DYNC1LI1: variants seen among roughly 807,000 people sequenced by gnomAD.
The protein encoded by DYNC1LI1 is dynein cytoplasmic 1 light intermediate chain 1.
Under a neutral mutation model 63.8 loss-of-function variants are expected in DYNC1LI1, and 19 were observed. The observed-to-expected ratio is 0.30, with a 90% CI of 0.21 to 0.44. DYNC1LI1 has a LOEUF of 0.44. Among genes scored for constraint, DYNC1LI1 ranks in the 20% least tolerant of loss-of-function variants. DYNC1LI1 has a pLI of 1.00. For synonymous variants in DYNC1LI1, 225 were observed against 232.3 expected (o/e 0.97, Z 0.28); for missense variants, 565 against 630.2 (o/e 0.90, Z 1.11).
Position 32,526,873 on chromosome 3 carries a change from C to T in DYNC1LI1, c.1498G>A (p.Asp500Asn). 6.2e-7 allele frequency: 1 copy of T among 1,614,000 alleles called. No individual in the cohort carries two copies. Among genetic ancestry groups the T allele is most frequent in the Non-Finnish European group, 8.5e-7 (1 of 1,179,938 alleles). ...KPVLDVHAELDRITRKPVTVS... is the reference protein window; with the variant it reads ...KPVLDVHAELNRITRKPVTVS... ...GTAACTGGTTTTCGTGTAATTCTGT[C>T]TAGTTCTGCATGAACATCTAAGACA... The change falls in exon 13 of 13, where the codon GAC (aspartate) becomes AAC (asparagine). Residue 500 changes from aspartate (D) to asparagine (N), a missense_variant. Transcript: ENST00000273130.
At chr3:32,527,439 C>T (rs1258754980) in intron 12 of DYNC1LI1, among the ~76,000 whole-genome samples, 3 of 150,578 alleles carry the variant, frequency 2.0e-5, no homozygotes, top group East Asian at 1.9e-4. Context: ...ACAATAAGAA[C>T]GGTAAAACAG....
At chr3:32,529,247 C>T (rs1575147038) in intron 11 of DYNC1LI1, among the ~76,000 whole-genome samples, 1 of 152,020 alleles carries the variant, frequency 6.6e-6, no homozygotes, top group African/African-American at 2.4e-5. Flanking sequence ...ATAGTTTTTT[C>T]CTTTATGTTA....
chr3:32,549,626 T>G (rs1698005286), intron 2 of DYNC1LI1, among the ~76,000 whole-genome samples: 1 of 152,122 alleles, frequency 6.6e-6, no homozygotes, highest in East Asian at 1.9e-4. Context: ...CATACACAGA[T>G]CCATAAAAAT....
intron 2 of DYNC1LI1, 126 bp downstream of exon 2, chr3:32,570,220 G>A: frequency 1.2e-6 from 1 of 815,344 alleles, no homozygotes; most frequent in Non-Finnish European, 2.1e-6. Context: ...GCGACAGGTC[G>A]GGAGGCGAGG....
At position 32,537,124 on chromosome 3, in the gene DYNC1LI1, A is replaced by T. The variant is rs1697784813; in HGVS notation, c.739-20T>A. The stretch of plus-strand genomic sequence containing the variant: ...ATCACACTGTTAAGTTAAAATAATT[A>T]AAAATAATACATTTAAAATAATCAT... On this transcript the variant is annotated intron_variant, in intron 5 of 12. Transcript: ENST00000273130. The T allele has an allele frequency of 7.6e-7, 1 of 1,310,314 alleles. No homozygotes were observed. Among genetic ancestry groups the T allele is most frequent in the Non-Finnish European group, 1.1e-6 (1 of 941,956 alleles). The allele number at this position is 1,310,314 out of a possible 1,614,324, so 81.2% of individuals were successfully genotyped here.
intron 2 of DYNC1LI1, among the ~76,000 whole-genome samples, chr3:32,559,294 G>A (rs1559443760): frequency 6.6e-6 from 1 of 152,110 alleles, no homozygotes; most frequent in East Asian, 1.9e-4. Context: ...AGGCTGGAGT[G>A]CAGTGGCAAG....
chr3:32,559,011 A>T (rs530854245), intron 2 of DYNC1LI1, among the ~76,000 whole-genome samples: 1 of 151,786 alleles, frequency 6.6e-6, no homozygotes, highest in African/African-American at 2.4e-5. Context: ...GACCATCTCT[A>T]TAGTGATGGA....
At chr3:32,561,030 AAAACAAAC>A (rs1559444468) in intron 2 of DYNC1LI1, among the ~76,000 whole-genome samples, 1 of 132,762 alleles carries the variant, frequency 7.5e-6, no homozygotes, top group East Asian at 2.0e-4. Flanking sequence ...AAAAAAAAAA[AAAACAAAC>A]AAAAAAAACA....
chr3:32,526,710 C>A lies in DYNC1LI1; in HGVS notation c.*89G>T, dbSNP rs1179771577. The A allele has an allele frequency of 4.1e-6, 4 of 976,680 alleles. No individual in the cohort carries two copies. The highest frequency in any genetic ancestry group is 3.2e-5 in the African/African-American group (2 of 61,666). The allele number at this position is 976,680 out of a possible 1,614,324, so 60.5% of individuals were successfully genotyped here. ...AATTTAGTCCATCTGAAGAAGCACT[C>A]CAGCTTTCTAATTCCACTTTTGAAG... is the stretch of plus-strand genomic sequence containing the variant. On this transcript the variant is annotated 3_prime_UTR_variant, in exon 13 of 13. Transcript: ENST00000273130.
At position 32,541,076 on chromosome 3, in the gene DYNC1LI1, T is replaced by C. The variant is rs768064764; in HGVS notation, c.699A>G (p.Thr233=). The C allele has an allele frequency of 6.2e-7, 1 of 1,613,624 alleles. No homozygotes were observed. The highest frequency in any genetic ancestry group is 1.1e-5 in the South Asian group (1 of 90,998). ...CTAGTACTGGAATGCCCAAGTTATG[T>C]GTAAGTGTATCCGCACCCAGAGGTA... The part of the protein sequence containing the change: ...VVLPLGADTL[T]HNLGIPVLVV... The change falls in exon 5 of 13, where the codon ACA becomes ACG. Residue 233 remains threonine, a synonymous_variant. Coordinates refer to ENST00000273130, the MANE Select transcript of DYNC1LI1 (RefSeq NM_016141.4).
intron 3 of DYNC1LI1, 34 bp from the exon 4 acceptor site, chr3:32,545,140 A>C: frequency 1.4e-6 from 2 of 1,416,310 alleles, no homozygotes; most frequent in Non-Finnish European, 1.0e-6. Flanking sequence ...CCAAGGCAAC[A>C]AGATTAAGTC....
At chr3:32,553,165 A>G (rs1698067207) in intron 2 of DYNC1LI1, among the ~76,000 whole-genome samples, 1 of 152,074 alleles carries the variant, frequency 6.6e-6, no homozygotes, top group African/African-American at 2.4e-5. Flanking sequence ...GAGATCCTCT[A>G]TCTACAAAAA....
chr3:32,532,507 A>ATATATATATAT (rs1553617333), intron 8 of DYNC1LI1: 1 of 147,530 alleles, frequency 6.8e-6, no homozygotes, highest in Admixed American at 6.8e-5. Flanking sequence ...ATATATATAT[A>ATATATATATAT]AAATTGAAAG....
chr3:32,538,034 A>G (rs866002473), intron 5 of DYNC1LI1, among the ~76,000 whole-genome samples: 1 of 10,092 alleles, frequency 9.9e-5, no homozygotes, highest in East Asian at 0.038. Flanking sequence ...TTATATATAT[A>G]ATATATATAT....
intron 5 of DYNC1LI1, among the ~76,000 whole-genome samples, chr3:32,538,049 T>TTATATATATAA (rs1559436609): frequency 2.3e-4 from 1 of 4,322 alleles, no homozygotes; most frequent in East Asian, 0.013. Flanking sequence ...ATATATATAA[T>TTATATATATAA]TATATATATA....
chr3:32,536,605 G>A (rs778547955), intron 6 of DYNC1LI1, among the ~76,000 whole-genome samples: 15 of 152,164 alleles, frequency 9.9e-5, no homozygotes, highest in South Asian at 2.1e-4. Flanking sequence ...ACCACTGTTA[G>A]GCTATATGTG....
intron 6 of DYNC1LI1, among the ~76,000 whole-genome samples, chr3:32,536,403 T>G (rs1697774123): frequency 6.6e-6 from 1 of 152,182 alleles, no homozygotes. Context: ...AAGTACTCAC[T>G]TTTAACCTTC....
At chr3:32,545,437 A>C in intron 3 of DYNC1LI1, 1 of 370,762 alleles carries the variant, frequency 2.7e-6, no homozygotes, top group Non-Finnish European at 4.9e-6. Context: ...AGATATGCAT[A>C]CTCAAGATAT....
chr3:32,570,600 G>A, intron 1 of DYNC1LI1, 25 bp downstream of exon 1: 2 of 1,552,104 alleles, frequency 1.3e-6, no homozygotes, highest in Middle Eastern at 1.7e-4. Context: ...GCCAGCGGGG[G>A]CTGAGGGAGA....
Sources: allele counts gnomAD v4.1 joint callset (sites outside exome capture counted in the v4.1 genomes callset), GRCh38; gene constraint gnomAD v4.1.1; transcripts MANE v1.5; gene names NCBI Gene and HGNC (gene_info 2026-07-23, HGNC 2026-07-21).